The following AMOTL1 variants were observed in gnomAD, a reference collection of about 807,000 sequenced individuals.
AMOTL1 encodes angiomotin like 1.
Under a neutral mutation model 102.9 loss-of-function variants are expected in AMOTL1, and 45 were observed. That is an observed-to-expected ratio of 0.44 (90% CI 0.34 to 0.56). AMOTL1 has a LOEUF of 0.56. Among genes scored for constraint, AMOTL1 ranks in the 20% least tolerant of loss-of-function variants. The probability of loss-of-function intolerance (pLI) is 0.01; values close to 1 mark genes in which losing one functional copy is unlikely to be tolerated. For synonymous variants in AMOTL1, 481 were observed against 484.7 expected, an observed-to-expected ratio of 0.99 and a Z score of 0.10; for missense variants, 1,114 against 1,225.6, an observed-to-expected ratio of 0.91 and a Z score of 1.36.
chr11:94,819,632 T>C (rs1190652268), intron 3 of AMOTL1, among the ~76,000 whole-genome samples: 1 of 152,154 alleles, frequency 6.6e-6, no homozygotes, highest in Non-Finnish European at 1.5e-5. Flanking sequence ...ACCAAACCAA[T>C]GTTCATCTTA....
rs150988829 is a variant in AMOTL1, at chr11:94,715,583, C to T, written c.-51+8986C>T. 1.7e-3 allele frequency among the ~76,000 whole-genome samples: 253 copies of T among 152,186 alleles called. 1 individual carries two copies. Among genetic ancestry groups the T allele is most frequent in the Non-Finnish European group, 2.0e-3 (137 of 67,978 alleles). Reference sequence around the variant, plus strand: ...TTAGTTTTCCTTTGCCTGATAATGTCTTTATTTCCCCCTTCATTCTTGAAG... The same window carrying T: ...TTAGTTTTCCTTTGCCTGATAATGTTTTTATTTCCCCCTTCATTCTTGAAG... On this transcript the variant is annotated intron_variant, in intron 1 of 4. Transcript: ENST00000299004.
chr11:94,875,458 C>G lies in AMOTL1; in HGVS notation c.*4663C>G, dbSNP rs1953078767. Reference sequence around the variant, plus strand: ...TTTCTTTTCCTAACATACAGAAGATCAAAGTGTTCATCTCACCCCGCCCTC... The same window carrying G: ...TTTCTTTTCCTAACATACAGAAGATGAAAGTGTTCATCTCACCCCGCCCTC... On this transcript the variant is annotated 3_prime_UTR_variant, in exon 13 of 13. Transcript: ENST00000433060. 6.6e-6 allele frequency: 1 copy of G among 152,144 alleles called. No individual in the cohort carries two copies. Among genetic ancestry groups the G allele is most frequent in the Admixed American group, 6.5e-5 (1 of 15,280 alleles). 9.4% of individuals were successfully genotyped at this position (152,144 alleles called of 1,614,324 possible).
chr11:94,850,185 C>T lies in AMOTL1; in HGVS notation c.1720C>T (p.His574Tyr), dbSNP rs1175079480. 6.3e-7 allele frequency: 1 copy of T among 1,593,146 alleles called. No homozygotes were observed. The highest frequency in any genetic ancestry group is 1.8e-5 in the Admixed American group (1 of 56,736). Residue 574 changes from histidine (H) to tyrosine (Y), a missense_variant, in exon 7 of 13, where the codon CAT becomes TAT. His to Tyr is a moderately conservative substitution (Grantham distance 83, BLOSUM62 2). Transcript: ENST00000433060. ...LAAVRTASEDHRRHIEILDQA... is the reference protein window; with the variant it reads ...LAAVRTASEDYRRHIEILDQA... ...AGCAGTGCGGACTGCAAGTGAGGAC[C>T]ATCGGAGACACATCGAGATCCTGGA...
chr11:94,787,089 A>G (rs551755578), intron 1 of AMOTL1, among the ~76,000 whole-genome samples: 1 of 152,262 alleles, frequency 6.6e-6, no homozygotes, highest in East Asian at 1.9e-4. Context: ...GCAATTTAAT[A>G]CATTATGATA....
intron 6 of AMOTL1, among the ~76,000 whole-genome samples, chr11:94,837,571 CT>C (rs1952210133): frequency 6.6e-6 from 1 of 152,226 alleles, no homozygotes; most frequent in Admixed American, 6.5e-5. Flanking sequence ...CACTGAGAAA[CT>C]TCAGACCTAC....
Position 94,799,603 on chromosome 11 carries a change from T to A in AMOTL1, c.413T>A (p.Phe138Tyr). 6.2e-7 allele frequency: 1 copy of A among 1,613,428 alleles called. No homozygotes were observed. The highest frequency in any genetic ancestry group is 1.1e-5 in the South Asian group (1 of 91,064). Residue 138 changes from phenylalanine to tyrosine, a missense_variant, in exon 3 of 13, where the codon TTT (phenylalanine) becomes TAT (tyrosine). By Grantham distance (22) the Phe-to-Tyr change is conservative (BLOSUM62 3). Transcript: ENST00000433060. This position sits in a 1 kb window ranked among gnomAD's most constrained non-coding sequence, Gnocchi z 4.5. ...GGACCAGCCCATCCTACAAACAACT[T>A]TTCTTCCACGGAAAACCTCACTCAA... ...SAGPAHPTNN[F>Y]SSTENLTQED...
chr11:94,707,244 C>G (rs61893461), intron 1 of AMOTL1, among the ~76,000 whole-genome samples: 2,462 of 55,242 alleles, frequency 0.045, 39 homozygotes, highest in African/African-American at 0.075. Context: ...CTCTCTCTCT[C>G]TCTCTCTGTG....
intron 2 of AMOTL1, among the ~76,000 whole-genome samples, chr11:94,730,656 G>A (rs185074361): frequency 2.0e-5 from 3 of 152,268 alleles, no homozygotes; most frequent in East Asian, 3.9e-4. Context: ...TTTGATGGCT[G>A]GCTGGCTGTG....
At position 94,743,651 on chromosome 11, in the gene AMOTL1, C is replaced by CT. The variant is rs760828820; in HGVS notation, c.136+2688dup. Among the ~76,000 whole-genome samples the CT allele has an allele frequency of 4.0e-3, 391 of 98,184 alleles. 26 individuals carry two copies. The highest frequency in any genetic ancestry group is 0.01 in the African/African-American group (221 of 21,102). The allele number at this position is 98,184 out of a possible 152,430, so 64.4% of individuals were successfully genotyped here. On this transcript the variant is annotated intron_variant, in intron 3 of 4. Coordinates refer to the AMOTL1 transcript ENST00000299004. ...AATTATTTCTCTACTCACAATACTT[C>CT]TTTTTTTTTTTTTTTTTTTTTTTTT...
chr11:94,790,565 C>T (rs918219456), intron 1 of AMOTL1, among the ~76,000 whole-genome samples: 2 of 152,090 alleles, frequency 1.3e-5, no homozygotes, highest in African/African-American at 4.8e-5. Context: ...GACATGTTCA[C>T]AGGATGCTGG....
In AMOTL1 at chr11:94,707,725, G is replaced by C. The variant is rs572904904; in HGVS notation, c.-51+1128G>C. Among the ~76,000 whole-genome samples, 11 of 152,108 alleles carry C rather than the reference G, an allele frequency of 7.2e-5. No individual in the cohort carries two copies. The South Asian group carries it at 2.3e-3, about 32-fold the overall frequency. The stretch of plus-strand genomic sequence containing the variant: ...CTGCTCCCCCTTCTGTGTCCCCTAG[G>C]TCTGTGAAAAGTTCCTGGTGGTAGA... On this transcript the variant is annotated intron_variant, in intron 1 of 4. Coordinates refer to the AMOTL1 transcript ENST00000299004.
chr11:94,789,502 G>T (rs1456456462), intron 1 of AMOTL1, among the ~76,000 whole-genome samples: 1 of 152,210 alleles, frequency 6.6e-6, no homozygotes, highest in Non-Finnish European at 1.5e-5. Flanking sequence ...GGTGTTTGGA[G>T]GAGGCACTGC....
At position 94,874,831 on chromosome 11, in the gene AMOTL1, C is replaced by T. The variant is rs989455680; in HGVS notation, c.*4036C>T. 1 of 152,146 alleles carries T rather than the reference C, an allele frequency of 6.6e-6. No individual in the cohort carries two copies. The highest frequency in any genetic ancestry group is 2.4e-5 in the African/African-American group (1 of 41,424). The allele number at this position is 152,146 out of a possible 1,614,324, so 9.4% of individuals were successfully genotyped here. A position where few individuals can be genotyped will look rare whatever the true frequency, so the allele number is the denominator to read the frequency against. On this transcript the variant is annotated 3_prime_UTR_variant, in exon 13 of 13. Transcript: ENST00000433060. ...TTAAAAGCTTTTGAGGCAGGGGGCTCATGTTTTGACTGCAGGGAGTTATGC... is the reference window on the plus strand; with the variant it reads ...TTAAAAGCTTTTGAGGCAGGGGGCTTATGTTTTGACTGCAGGGAGTTATGC...
chr11:94,740,933 C>A (rs1184125105), intron 2 of AMOTL1: 1 of 1,289,090 alleles, frequency 7.8e-7, no homozygotes, highest in East Asian at 5.6e-5. Context: ...TTTCTTCTCC[C>A]CCAGACAGTG....
chr11:94,733,658 T>C (rs1369767107), intron 2 of AMOTL1, among the ~76,000 whole-genome samples: 4 of 152,264 alleles, frequency 2.6e-5, no homozygotes, highest in African/African-American at 4.8e-5. Context: ...GGTCTCTGCA[T>C]TTCAGCAGAA....
chr11:94,782,539 C>T (rs1951128585), intron 1 of AMOTL1, among the ~76,000 whole-genome samples: 1 of 152,120 alleles, frequency 6.6e-6, no homozygotes, highest in South Asian at 2.1e-4. Context: ...AAAATAACAA[C>T]TCCCTTCAAA....
chr11:94,713,799 G>A (rs900298452), intron 1 of AMOTL1, among the ~76,000 whole-genome samples: 2 of 150,810 alleles, frequency 1.3e-5, no homozygotes, highest in African/African-American at 4.9e-5. Flanking sequence ...TTTTTTCTTT[G>A]GTAAATTCCT....
Position 94,740,062 on chromosome 11 carries a change from T to C in AMOTL1, c.86-876T>C, listed in dbSNP as rs1426558547. Among the ~76,000 whole-genome samples the C allele has an allele frequency of 2.0e-5, 3 of 152,114 alleles. No homozygotes were observed. In the South Asian group the frequency reaches 6.2e-4, roughly 31 times the overall value. ...TGATGTCACGCATAAATTAACAACT[T>C]CTCAGCCTCGGTTTCCCAACCTGTG... On this transcript the variant is annotated intron_variant, in intron 2 of 4. Transcript: ENST00000299004.
Position 94,869,635 on chromosome 11 carries a change from C to T in AMOTL1, c.2764+162C>T, listed in dbSNP as rs150759351. Among the ~76,000 whole-genome samples the T allele has an allele frequency of 7.8e-3, 1,185 of 152,278 alleles. 17 individuals carry two copies. The highest frequency in any genetic ancestry group is 0.027 in the African/African-American group (1,118 of 41,548). On this transcript the variant is annotated intron_variant, in intron 12 of 12. Coordinates refer to ENST00000433060, the MANE Select transcript of AMOTL1 (RefSeq NM_130847.3). ...AGGATATGTGTGCCCTTTCTTATTA[C>T]GGGAATAAATATGCATATAGACACA...
Sources: allele counts gnomAD v4.1 joint callset (sites outside exome capture counted in the v4.1 genomes callset), GRCh38; gene constraint gnomAD v4.1.1; non-coding constraint Gnocchi (gnomAD v3.1); transcripts MANE v1.5; gene names NCBI Gene and HGNC (gene_info 2026-07-23, HGNC 2026-07-21).